The following BRF1 variants were observed in gnomAD, a reference collection of about 807,000 sequenced individuals.
BRF1 encodes the protein BRF1 general transcription factor IIIB subunit.
A neutral mutation model predicts 81.7 loss-of-function variants in BRF1; 59 were observed. That is an observed-to-expected ratio of 0.72 (90% CI 0.59 to 0.90). BRF1 has a LOEUF of 0.90. BRF1 is among the 40% of genes least tolerant of loss of function. The pLI, the probability that BRF1 is intolerant of heterozygous loss-of-function variation, is 0.00. For missense variants in BRF1, 1,050 were observed against 936.3 expected, an observed-to-expected ratio of 1.12 and a Z score of -1.58; for synonymous variants, 491 against 395.6, an observed-to-expected ratio of 1.24 and a Z score of -2.86.
chr14:105,247,249 C>G (rs2055185600), intron 5 of BRF1: 1 of 985,392 alleles, frequency 1.0e-6, no homozygotes, highest in Admixed American at 6.1e-5. Context: ...TATGCTACAG[C>G]TTTCCAAACG....
chr14:105,301,256 G>T (rs2058009601), upstream of BRF1: 1 of 151,062 alleles, frequency 6.6e-6, no homozygotes, highest in Admixed American at 6.6e-5. Flanking sequence ...CTCGGATAGT[G>T]AGCGCGGTCT....
At chr14:105,314,535 GA>G (rs1300864950) in intron 1 of BRF1, 1 of 147,038 alleles carries the variant, frequency 6.8e-6, no homozygotes, top group African/African-American at 2.5e-5. Flanking sequence ...GGCGGGCGGG[GA>G]CGCCCCGTGA....
intron 14 of BRF1, 36 bp downstream of exon 14, chr14:105,218,962 C>T: frequency 1.2e-6 from 2 of 1,613,442 alleles, no homozygotes; most frequent in South Asian, 2.2e-5. Context: ...CCTGGACACC[C>T]CCAAGAAGGC....
At chr14:105,310,111 C>G (rs1480780837) in intron 1 of BRF1, among the ~76,000 whole-genome samples, 1 of 151,432 alleles carries the variant, frequency 6.6e-6, no homozygotes, top group African/African-American at 2.4e-5. Context: ...ATTTACAATT[C>G]GTGATAGTAG....
intron 14 of BRF1, among the ~76,000 whole-genome samples, chr14:105,218,486 C>G (rs1210994394): frequency 1.3e-5 from 2 of 152,146 alleles, no homozygotes; most frequent in Non-Finnish European, 2.9e-5. Context: ...TCTGAGGGAC[C>G]CCAGTCTCGC....
At chr14:105,294,631 G>A (rs1398843684) in intron 1 of BRF1, among the ~76,000 whole-genome samples, 1 of 152,192 alleles carries the variant, frequency 6.6e-6, no homozygotes, top group Non-Finnish European at 1.5e-5. Flanking sequence ...GGAGGGAAGA[G>A]CAGGAGAGAA....
intron 10 of BRF1, among the ~76,000 whole-genome samples, chr14:105,224,562 T>C (rs1282559678): frequency 6.6e-6 from 1 of 152,212 alleles, no homozygotes; most frequent in Non-Finnish European, 1.5e-5. Flanking sequence ...TGTGTGTGTA[T>C]ACTGGGGACA....
chr14:105,296,500 A>C lies in BRF1; in HGVS notation c.184+3946T>G, dbSNP rs370148576. Among the ~76,000 whole-genome samples, 376 of 150,914 alleles carry C rather than the reference A, an allele frequency of 2.5e-3. 5 individuals carry two copies. Among genetic ancestry groups the C allele is most frequent in the African/African-American group, 8.4e-3 (346 of 41,066 alleles). ...TGGACTCCAGCCTGGGTGACAGAGC[A>C]AGACGCCGTCTCAAAAAAAAAAACA... is the stretch of plus-strand genomic sequence containing the variant. On this transcript the variant is annotated intron_variant, in intron 1 of 17. Coordinates refer to ENST00000547530, the MANE Select transcript of BRF1 (RefSeq NM_001519.4).
At chr14:105,306,535 C>T (rs1229670000) in intron 1 of BRF1, among the ~76,000 whole-genome samples, 3 of 152,016 alleles carry the variant, frequency 2.0e-5, no homozygotes, top group Admixed American at 6.6e-5. Context: ...GATCTCCTGA[C>T]CTCGTGATCT....
chr14:105,294,774 G>A lies in BRF1; in HGVS notation c.184+5672C>T, dbSNP rs374333153. ...GAAAAAGGAGGCCACTGTGGACCCC[G>A]CAGATATCAAAAGGATAAGGGAATG... is the stretch of plus-strand genomic sequence containing the variant. On this transcript the variant is annotated intron_variant, in intron 1 of 17. Transcript: ENST00000547530. 2.6e-5 allele frequency among the ~76,000 whole-genome samples: 4 copies of A among 152,274 alleles called. No homozygotes were observed. The East Asian group carries it at 7.7e-4, about 29-fold the overall frequency.
chr14:105,299,451 T>C (rs1193572150), intron 1 of BRF1, among the ~76,000 whole-genome samples: 1 of 152,106 alleles, frequency 6.6e-6, no homozygotes, highest in Non-Finnish European at 1.5e-5. Flanking sequence ...GGCATGCACC[T>C]GTAGTCTCAG....
At chr14:105,296,214 C>A (rs1330140544) in intron 1 of BRF1, among the ~76,000 whole-genome samples, 1 of 152,012 alleles carries the variant, frequency 6.6e-6, no homozygotes, top group Non-Finnish European at 1.5e-5. Flanking sequence ...ATGGCAAAAC[C>A]CCATCTCTAC....
At chr14:105,227,128 A>C in intron 7 of BRF1, 1 of 245,224 alleles carries the variant, frequency 4.1e-6, no homozygotes, top group South Asian at 4.7e-5. Context: ...AAAATACATA[A>C]AAAATAAAAG....
chr14:105,259,788 T>C (rs2056060917), intron 3 of BRF1, among the ~76,000 whole-genome samples: 2 of 152,274 alleles, frequency 1.3e-5, no homozygotes, highest in African/African-American at 4.8e-5. Flanking sequence ...CGTGCCCCTG[T>C]AGTCCCAACT....
chr14:105,293,390 G>C (rs1402476840), intron 1 of BRF1, among the ~76,000 whole-genome samples: 1 of 152,218 alleles, frequency 6.6e-6, no homozygotes. Context: ...TGAAGCCACT[G>C]AAAGTTGTGA....
At chr14:105,222,080 T>C (rs1892368341) in intron 10 of BRF1, 166 bp from the exon 11 acceptor site, 1 of 782,648 alleles carries the variant, frequency 1.3e-6, no homozygotes, top group Non-Finnish European at 1.9e-6. Context: ...CACCTCGCAC[T>C]GCACGCGGAA....
At chr14:105,215,915 C>T (rs1173813553) in intron 15 of BRF1, among the ~76,000 whole-genome samples, 14 of 148,564 alleles carry the variant, frequency 9.4e-5, no homozygotes, top group Middle Eastern at 3.6e-3. Context: ...ACACTGCATA[C>T]GCAGACAGGC....
rs145472957 is a variant in BRF1 at position 105,229,417 on chromosome 14, C to T, written c.695-504G>A. Reference sequence around the variant, plus strand: ...ACTGAATCCTGCAGCGCAGGGATGCCGGTACCTGGCCTGCCGGGTAGAGTG... The same window carrying T: ...ACTGAATCCTGCAGCGCAGGGATGCTGGTACCTGGCCTGCCGGGTAGAGTG... On this transcript the variant is annotated intron_variant, in intron 6 of 17. Transcript: ENST00000547530. 8.5e-4 allele frequency among the ~76,000 whole-genome samples: 130 copies of T among 152,316 alleles called. 2 individuals are homozygous for T. In the East Asian group the frequency reaches 9.8e-3, roughly 12 times the overall value.
intron 3 of BRF1, among the ~76,000 whole-genome samples, chr14:105,264,591 C>T (rs1181471338): frequency 6.9e-6 from 1 of 145,848 alleles, no homozygotes; most frequent in Admixed American, 7.2e-5. Flanking sequence ...GGCATGAACC[C>T]GGGAGGCAGA....
Sources: gnomAD v4.1 joint callset for allele counts (sites outside exome capture counted in the v4.1 genomes callset) on GRCh38, gnomAD v4.1.1 for gene constraint, MANE v1.5 for transcripts, NCBI Gene and HGNC (gene_info 2026-07-23, HGNC 2026-07-21) for gene names.